Variants in DAB2IP observed in about 807,000 individuals in gnomAD.
DAB2IP encodes the protein disabled homolog 2-interacting protein.
Under a neutral mutation model 107.2 loss-of-function variants are expected in DAB2IP, and 28 were observed. The ratio of observed to expected loss-of-function variants is 0.26; its 90% CI spans 0.19 to 0.36. DAB2IP has a LOEUF of 0.36. DAB2IP is among the 10% of genes least tolerant of loss of function. The pLI is 1.00. For synonymous variants in DAB2IP, 755 were observed against 706.4 expected, an observed-to-expected ratio of 1.07 and a Z score of -1.09; for missense variants, 1,400 against 1,644.7, an observed-to-expected ratio of 0.85 and a Z score of 2.57.
chr9:121,766,552 C>T (rs373995748), exon 9 of DAB2IP: 7 of 1,612,960 alleles, frequency 4.3e-6, no homozygotes, highest in East Asian at 4.5e-5. Context: ...GTGCAGCAGT[C>T]GCGGCCGCCC....
intron 1 of DAB2IP, among the ~76,000 whole-genome samples, chr9:121,636,154 T>C (rs1432103345): frequency 6.6e-6 from 1 of 152,106 alleles, no homozygotes; most frequent in Non-Finnish European, 1.5e-5. Context: ...GCAAACCACC[T>C]GCCTCGGCCT....
chr9:121,768,579 C>T (rs763542109), exon 10 of DAB2IP: 97 of 1,614,052 alleles, frequency 6.0e-5, no homozygotes, highest in Non-Finnish European at 7.5e-5. Context: ...ACCTGGGCCG[C>T]GAGCTCTCCA....
chr9:121,617,773 C>T (rs1019296485), intron 1 of DAB2IP, among the ~76,000 whole-genome samples: 1 of 152,234 alleles, frequency 6.6e-6, no homozygotes, highest in African/African-American at 2.4e-5. Context: ...GCCTCATACC[C>T]AGTCTCCTGA....
At chr9:121,697,281 C>G (rs1163373741) in intron 2 of DAB2IP, among the ~76,000 whole-genome samples, 1 of 152,182 alleles carries the variant, frequency 6.6e-6, no homozygotes, top group Non-Finnish European at 1.5e-5. Context: ...CTTCTTTGTT[C>G]TTCATACCTC....
At position 121,570,226 on chromosome 9, in the gene DAB2IP, C is replaced by T. The variant is rs574784601; in HGVS notation, c.40+2998C>T. 3.0e-3 allele frequency among the ~76,000 whole-genome samples: 450 copies of T among 151,496 alleles called. 2 individuals carry two copies. Among genetic ancestry groups the T allele is most frequent in the Non-Finnish European group, 4.8e-3 (326 of 67,916 alleles). On this transcript the variant is annotated intron_variant, in intron 1 of 16. Coordinates refer to the DAB2IP transcript ENST00000259371. Reference sequence around the variant, plus strand: ...TTCCCAGGCTCAATCCATCCTCCCACCTCAGCCTCCCGAGTAGCTGGGACC... The same window carrying T: ...TTCCCAGGCTCAATCCATCCTCCCATCTCAGCCTCCCGAGTAGCTGGGACC...
chr9:121,720,909 C>T (rs1306772251), intron 3 of DAB2IP, among the ~76,000 whole-genome samples: 2 of 152,304 alleles, frequency 1.3e-5, no homozygotes, highest in East Asian at 3.9e-4. Context: ...CCACTCTGAC[C>T]TTGAAAACCC....
At chr9:121,674,350 G>A (rs1833801040) in intron 1 of DAB2IP, among the ~76,000 whole-genome samples, 3 of 152,298 alleles carry the variant, frequency 2.0e-5, no homozygotes, top group Admixed American at 2.0e-4. Context: ...TGGAACTAGG[G>A]GCCACACAGG....
intron 1 of DAB2IP, among the ~76,000 whole-genome samples, chr9:121,612,197 A>G (rs1831118880): frequency 6.6e-6 from 1 of 151,568 alleles, no homozygotes; most frequent in Admixed American, 6.6e-5. Context: ...GTGTGCCTGT[A>G]GTCCCAGCTA....
intron 3 of DAB2IP, among the ~76,000 whole-genome samples, chr9:121,732,739 C>T (rs1158270030): frequency 1.3e-5 from 2 of 152,330 alleles, no homozygotes; most frequent in African/African-American, 4.8e-5. Context: ...AGAATCCCAG[C>T]TCCCACCAGT....
chr9:121,737,742 G>C, intron 3 of DAB2IP: 1 of 985,478 alleles, frequency 1.0e-6, no homozygotes, highest in Non-Finnish European at 1.2e-6. Context: ...GTGGGAGGGA[G>C]GACAGACACC....
rs3860152 is a variant in DAB2IP at position 121,603,591 on chromosome 9, G to T, written c.40+36363G>T. On this transcript the variant is annotated intron_variant, in intron 1 of 16. Transcript: ENST00000259371. Reference sequence around the variant, plus strand: ...GCACTCTGGCCTTTTTTGCAGTCTTGTTCATGCCTCACTATTTTTCTGCCC... The same window carrying T: ...GCACTCTGGCCTTTTTTGCAGTCTTTTTCATGCCTCACTATTTTTCTGCCC... Among the ~76,000 whole-genome samples the T allele has an allele frequency of 3.3e-3, 509 of 152,206 alleles. 1 individual carries two copies. Among genetic ancestry groups the T allele is most frequent in the African/African-American group, 0.012 (489 of 41,532 alleles).
intron 1 of DAB2IP, among the ~76,000 whole-genome samples, chr9:121,589,796 T>A (rs1830386898): frequency 6.6e-6 from 1 of 151,976 alleles, no homozygotes; most frequent in South Asian, 2.1e-4. Context: ...CAACCCAGGG[T>A]CATAAAAGCT....
intron 3 of DAB2IP, among the ~76,000 whole-genome samples, chr9:121,735,437 A>C (rs1589606355): frequency 6.6e-6 from 1 of 152,250 alleles, no homozygotes; most frequent in South Asian, 2.1e-4. Flanking sequence ...TGCCTGACAC[A>C]GTCTGCAGCT....
intron 3 of DAB2IP, among the ~76,000 whole-genome samples, chr9:121,715,460 C>A (rs1247581721): frequency 6.6e-6 from 1 of 151,508 alleles, no homozygotes; most frequent in African/African-American, 2.4e-5. Context: ...TCACACCATT[C>A]TTCTGCCTCA....
intron 1 of DAB2IP, among the ~76,000 whole-genome samples, chr9:121,596,571 T>G (rs1014751318): frequency 7.3e-5 from 11 of 150,868 alleles, no homozygotes; most frequent in African/African-American, 2.7e-4. Context: ...CTGCAACATG[T>G]TCTCCCTCCC....
rs76045602 is a variant in DAB2IP at position 121,688,063 on chromosome 9, G to T, written c.228+9282G>T. Among the ~76,000 whole-genome samples, 758 of 152,176 alleles carry T rather than the reference G, an allele frequency of 5.0e-3. 11 individuals carry two copies. The highest frequency in any genetic ancestry group is 0.018 in the African/African-American group (733 of 41,512). ...TAGGGGTCAGACACCCCTGGGATAG[G>T]AGAGAACTGCTCTCCTCTTGTCATC... On this transcript the variant is annotated intron_variant, in intron 2 of 15. Transcript: ENST00000408936.
At chr9:121,731,079 A>G (rs1312112718) in intron 3 of DAB2IP, among the ~76,000 whole-genome samples, 1 of 152,226 alleles carries the variant, frequency 6.6e-6, no homozygotes, top group African/African-American at 2.4e-5. Context: ...CTGTTGGTCC[A>G]GGCCCTGCCC....
chr9:121,642,615 TAA>T (rs397893249), intron 1 of DAB2IP, among the ~76,000 whole-genome samples: 149 of 123,908 alleles, frequency 1.2e-3, no homozygotes, highest in East Asian at 2.7e-3. Context: ...TCTTTTCTAT[TAA>T]AAAAAAAAAA....
chr9:121,569,848 G>A (rs1375868587), intron 1 of DAB2IP, among the ~76,000 whole-genome samples: 2 of 152,194 alleles, frequency 1.3e-5, no homozygotes, highest in Non-Finnish European at 2.9e-5. Context: ...ATTTTGCAGT[G>A]ATGTGATCAA....
Sources: gnomAD v4.1 joint callset for allele counts (sites outside exome capture counted in the v4.1 genomes callset) on GRCh38, gnomAD v4.1.1 for gene constraint, MANE v1.5 for transcripts, NCBI Gene and HGNC (gene_info 2026-07-23, HGNC 2026-07-21) for gene names.